PARD3: variants seen among roughly 807,000 people sequenced by gnomAD.
The protein encoded by PARD3 is par-3 family cell polarity regulator.
PARD3 carries 75 observed loss-of-function variants against 155.4 expected under a neutral mutation model. The observed-to-expected ratio is 0.48, with a 90% CI of 0.40 to 0.58. PARD3 has a LOEUF of 0.58. Ranked by LOEUF, PARD3 falls within the 20% of genes least tolerant of loss-of-function variation. PARD3 has a pLI of 0.00. For synonymous variants in PARD3, 576 were observed against 610.5 expected (o/e 0.94, Z 0.83); for missense variants, 1,642 against 1,721.7 (o/e 0.95, Z 0.82).
At chr10:34,734,133 C>A (rs903309202) in intron 1 of PARD3, among the ~76,000 whole-genome samples, 5 of 151,826 alleles carry the variant, frequency 3.3e-5, no homozygotes, top group Non-Finnish European at 5.9e-5. Context: ...AAACTTATTT[C>A]TCAGGTTCAA....
At chr10:34,113,229 C>T (rs1402967012) in intron 24 of PARD3, among the ~76,000 whole-genome samples, 8 of 152,160 alleles carry the variant, frequency 5.3e-5, no homozygotes, top group African/African-American at 1.9e-4. Flanking sequence ...AACCCCCTTC[C>T]TCCCCAGCTT....
chr10:34,186,875 G>A (rs563425593), intron 22 of PARD3, among the ~76,000 whole-genome samples: 140 of 152,158 alleles, frequency 9.2e-4, no homozygotes, highest in Non-Finnish European at 1.5e-3. Flanking sequence ...GCAAAAGCAG[G>A]GCTTCATTTT....
chr10:34,798,379 GAAGA>G (rs1332352598), intron 1 of PARD3, among the ~76,000 whole-genome samples: 2 of 150,814 alleles, frequency 1.3e-5, no homozygotes, highest in Non-Finnish European at 3.0e-5. Context: ...GAAGAAATGA[GAAGA>G]AAGGAGGAGG....
chr10:34,671,664 T>G (rs763572822), intron 2 of PARD3, among the ~76,000 whole-genome samples: 28 of 152,234 alleles, frequency 1.8e-4, no homozygotes, highest in Admixed American at 1.7e-3. Context: ...AGGGGTAAAA[T>G]GCTTGCCAAA....
chr10:34,111,736 A>G (rs945435006), intron 24 of PARD3, among the ~76,000 whole-genome samples, 174 bp from the exon 25 acceptor site: 1 of 152,246 alleles, frequency 6.6e-6, no homozygotes, highest in African/African-American at 2.4e-5. Context: ...GACTGTCCTC[A>G]GCAAGCGCAT....
intron 2 of PARD3, among the ~76,000 whole-genome samples, chr10:34,578,268 CT>C (rs1476449814): frequency 2.0e-5 from 3 of 152,144 alleles, no homozygotes; most frequent in Non-Finnish European, 1.5e-5. Flanking sequence ...TCATCACATA[CT>C]GCCATCCTTA....
At chr10:34,410,986 T>C (rs1309138896) in intron 5 of PARD3, among the ~76,000 whole-genome samples, 1 of 151,548 alleles carries the variant, frequency 6.6e-6, no homozygotes, top group Non-Finnish European at 1.5e-5. Context: ...CTGATGCTTA[T>C]GTTGCATGTT....
intron 20 of PARD3, 97 bp from the exon 21 acceptor site, chr10:34,284,342 T>G: frequency 1.4e-6 from 1 of 690,780 alleles, no homozygotes; most frequent in Non-Finnish European, 2.5e-6. Flanking sequence ...GAATGTTAGC[T>G]TCTTCAAAAC....
intron 1 of PARD3, among the ~76,000 whole-genome samples, chr10:34,782,721 GTT>G (rs879708183): frequency 3.4e-5 from 5 of 145,388 alleles, no homozygotes; most frequent in African/African-American, 1.0e-4. Flanking sequence ...CATTAGGAAA[GTT>G]TTTTTTTTTT....
At chr10:34,767,817 A>G (rs537916115) in intron 1 of PARD3, among the ~76,000 whole-genome samples, 139 of 151,846 alleles carry the variant, frequency 9.2e-4, no homozygotes, top group African/African-American at 3.2e-3. Flanking sequence ...TTGTCTGGAC[A>G]TGGTGGCGCA....
chr10:34,136,939 T>A (rs527474000), intron 22 of PARD3, among the ~76,000 whole-genome samples: 2 of 152,314 alleles, frequency 1.3e-5, no homozygotes, highest in East Asian at 3.9e-4. Flanking sequence ...CCATTCAACA[T>A]GTACATATCT....
chr10:34,260,989 G>A (rs935487089), intron 22 of PARD3, among the ~76,000 whole-genome samples: 1 of 152,112 alleles, frequency 6.6e-6, no homozygotes, highest in Non-Finnish European at 1.5e-5. Flanking sequence ...TCTCTTTAGT[G>A]GTAAAATGCA....
intron 1 of PARD3, among the ~76,000 whole-genome samples, chr10:34,752,893 C>T (rs1027911047): frequency 1.3e-5 from 2 of 152,190 alleles, no homozygotes; most frequent in East Asian, 1.9e-4. Context: ...TTCAAGAAAG[C>T]CTATCCTTAC....
intron 22 of PARD3, among the ~76,000 whole-genome samples, chr10:34,207,413 C>T (rs899011578): frequency 6.6e-6 from 1 of 152,112 alleles, no homozygotes; most frequent in African/African-American, 2.4e-5. Flanking sequence ...TGAATGCAAA[C>T]GAGTCAGGAC....
chr10:34,329,860 C>T (rs941919735), intron 19 of PARD3, among the ~76,000 whole-genome samples: 2 of 152,126 alleles, frequency 1.3e-5, no homozygotes, highest in Admixed American at 6.6e-5. Flanking sequence ...TCTTCCCAAA[C>T]GCATTATATG....
intron 22 of PARD3, among the ~76,000 whole-genome samples, chr10:34,266,241 A>AT (rs397977786): frequency 1.3e-5 from 2 of 151,682 alleles, no homozygotes; most frequent in Non-Finnish European, 2.9e-5. Context: ...AAAAAAAAAA[A>AT]TTCCTATACT....
intron 22 of PARD3, among the ~76,000 whole-genome samples, chr10:34,244,755 C>T (rs1368883893): frequency 6.6e-6 from 1 of 152,036 alleles, no homozygotes; most frequent in African/African-American, 2.4e-5. Flanking sequence ...ATAAATGAAT[C>T]GAGTTATTAA....
intron 1 of PARD3, 58 bp downstream of exon 1, chr10:34,814,818 T>A: frequency 1.5e-6 from 2 of 1,296,264 alleles, no homozygotes; most frequent in Non-Finnish European, 2.1e-6. Flanking sequence ...AGCGCCATAT[T>A]GATCCCGGCG....
In PARD3 at chr10:34,174,332, G is replaced by T. The variant is rs185000615; in HGVS notation, c.3420-42749C>A. ...TGTTTTTCCCTTACTTTTTACTGAA[G>T]ACACTTGCAATCTAGATGGGAAGAT... is the stretch of plus-strand genomic sequence containing the variant. On this transcript the variant is annotated intron_variant, in intron 22 of 24. Transcript: ENST00000374788. Among the ~76,000 whole-genome samples, 3 of 152,276 alleles carry T rather than the reference G, an allele frequency of 2.0e-5. No individual in the cohort carries two copies. In the East Asian group the frequency reaches 5.8e-4, roughly 29 times the overall value.
Sources: gnomAD v4.1 joint callset for allele counts (sites outside exome capture counted in the v4.1 genomes callset) on GRCh38, gnomAD v4.1.1 for gene constraint, MANE v1.5 for transcripts, NCBI Gene and HGNC (gene_info 2026-07-23, HGNC 2026-07-21) for gene names.